Variants in TUT7 observed in about 807,000 individuals in gnomAD.
TUT7 encodes terminal uridylyltransferase 7.
A neutral mutation model predicts 165.9 loss-of-function variants in TUT7; 33 were observed. The ratio of observed to expected loss-of-function variants is 0.20; its 90% CI spans 0.15 to 0.27. TUT7 has a LOEUF of 0.27. TUT7 is among the 10% of genes least tolerant of loss of function. The probability of loss-of-function intolerance (pLI) is 1.00; values close to 1 mark genes in which losing one functional copy is unlikely to be tolerated. For synonymous variants in TUT7, 552 were observed against 608.1 expected (o/e 0.91, Z 1.36); for missense variants, 1,338 against 1,762.3 (o/e 0.76, Z 4.31).
At chr9:86,330,899 G>A (rs1046708674) in intron 10 of TUT7, among the ~76,000 whole-genome samples, 2 of 150,382 alleles carry the variant, frequency 1.3e-5, no homozygotes, top group African/African-American at 2.4e-5. Flanking sequence ...TTTTGAGATG[G>A]GGTCTTGCTC....
At chr9:86,343,913 G>A (rs1293506774) in intron 5 of TUT7, among the ~76,000 whole-genome samples, 2 of 152,096 alleles carry the variant, frequency 1.3e-5, no homozygotes, top group African/African-American at 2.4e-5. Context: ...TTTAAGGTTT[G>A]CTAAAATTCA....
intron 26 of TUT7, among the ~76,000 whole-genome samples, chr9:86,292,327 G>A (rs896350636): frequency 2.0e-5 from 3 of 152,112 alleles, no homozygotes; most frequent in Non-Finnish European, 4.4e-5. Flanking sequence ...GAAGGGGCTG[G>A]GTGCAGTGGC....
intron 26 of TUT7, among the ~76,000 whole-genome samples, chr9:86,300,384 T>C (rs1406264233): frequency 6.6e-6 from 1 of 152,238 alleles, no homozygotes; most frequent in Non-Finnish European, 1.5e-5. Context: ...GCTGACACTT[T>C]ATGCTGTCCA....
At chr9:86,308,140 C>G (rs995591672) in intron 22 of TUT7, among the ~76,000 whole-genome samples, 2 of 152,192 alleles carry the variant, frequency 1.3e-5, no homozygotes, top group Non-Finnish European at 2.9e-5. Context: ...AACCCCCCAA[C>G]AGGAAGGTTG....
Position 86,323,180 on chromosome 9 carries a change from T to A in TUT7, c.2570A>T (p.Glu857Val). 6.2e-7 allele frequency: 1 copy of A among 1,614,142 alleles called. No individual in the cohort carries two copies. The highest frequency in any genetic ancestry group is 1.7e-5 in the Admixed American group (1 of 59,998). The change falls in exon 13 of 27, where the codon GAA becomes GTA. Residue 857 changes from glutamate to valine, a missense_variant. Transcript: ENST00000375963. ...GTTAATGGTGAGCCTAGGTTCTTCT[T>A]CCTCCTCCTCTTCTTCGTCGTCCTC... ...EEEDDEEEEE[E>V]EEPRLTINQR...
chr9:86,317,193 T>A, intron 17 of TUT7, 26 bp downstream of exon 17: 1 of 1,603,676 alleles, frequency 6.2e-7, no homozygotes, highest in Non-Finnish European at 8.5e-7. Context: ...GTCAGAAATA[T>A]TTTTAGAAAA....
intron 2 of TUT7, among the ~76,000 whole-genome samples, chr9:86,346,886 A>T (rs1217959884): frequency 6.6e-6 from 1 of 152,210 alleles, no homozygotes; most frequent in African/African-American, 2.4e-5. Flanking sequence ...ATCTGTAAGT[A>T]CACCTGTTAT....
At chr9:86,296,076 AAG>A (rs1171137240) in intron 26 of TUT7, among the ~76,000 whole-genome samples, 1 of 152,218 alleles carries the variant, frequency 6.6e-6, no homozygotes, top group Non-Finnish European at 1.5e-5. Flanking sequence ...TATAAGTTAG[AAG>A]AGAGAAATTA....
At position 86,301,573 on chromosome 9, in the gene TUT7, C is replaced by A. The variant is rs750427384; in HGVS notation, c.4123G>T (p.Ala1375Ser). The A allele has an allele frequency of 3.1e-6, 5 of 1,613,588 alleles. No homozygotes were observed. Among genetic ancestry groups the A allele is most frequent in the Non-Finnish European group, 4.2e-6 (5 of 1,179,942 alleles). Residue 1375 changes from alanine (A) to serine (S), a missense_variant, in exon 26 of 27, where the codon GCC becomes TCC. Ala to Ser is a moderately conservative substitution (Grantham distance 99). This residue lies in a region of TUT7 where 167 missense variants were observed against 204.9 expected (regional missense o/e 0.82). Coordinates refer to ENST00000375963, the MANE Select transcript of TUT7 (RefSeq NM_024617.4). ...KVRRRRDQEDALNQRYPENKE... is the reference protein window; with the variant it reads ...KVRRRRDQEDSLNQRYPENKE... ...TTCTCAGGGTATCTTTGGTTCAGGGCATCTTCCTGATCTCGCCGCCGTCTT... is the reference window on the plus strand; with the variant it reads ...TTCTCAGGGTATCTTTGGTTCAGGGAATCTTCCTGATCTCGCCGCCGTCTT...
At chr9:86,340,463 G>A (rs992081148) in intron 7 of TUT7, among the ~76,000 whole-genome samples, 18 of 152,094 alleles carry the variant, frequency 1.2e-4, no homozygotes, top group African/African-American at 1.4e-4. Context: ...TGTATTGATC[G>A]AAGACAAAAT....
At chr9:86,346,529 C>T in intron 2 of TUT7, 49 bp from the exon 3 acceptor site, 1 of 1,563,474 alleles carries the variant, frequency 6.4e-7, no homozygotes, top group Non-Finnish European at 8.8e-7. Context: ...AATGCCACTC[C>T]TGAGTAAAAA....
intron 8 of TUT7, among the ~76,000 whole-genome samples, chr9:86,339,563 TAA>T (rs1312600032): frequency 1.3e-5 from 2 of 152,108 alleles, no homozygotes; most frequent in African/African-American, 4.8e-5. Flanking sequence ...TCTGTAACAA[TAA>T]AAGAGTGTTT....
chr9:86,337,559 A>T, intron 9 of TUT7, 21 bp from the exon 10 acceptor site: 1 of 1,585,186 alleles, frequency 6.3e-7, no homozygotes, highest in South Asian at 1.2e-5. Context: ...GAGAAAAGAA[A>T]GTTAAGCATT....
Position 86,288,661 on chromosome 9 carries a change from C to T in TUT7, c.*16G>A, listed in dbSNP as rs377326794. 3.7e-6 allele frequency: 6 copies of T among 1,611,340 alleles called. No individual in the cohort carries two copies. In the South Asian group the frequency reaches 5.5e-5, roughly 15 times the overall value. On this transcript the variant is annotated 3_prime_UTR_variant, in exon 27 of 27. Transcript: ENST00000375963. ...AACGCCTGAGTGGCCATTTAGAGTG[C>T]TGCATTTTCCTTCCCTCATGATTCC...
At chr9:86,333,651 A>G (rs1416794781) in intron 10 of TUT7, among the ~76,000 whole-genome samples, 1 of 152,194 alleles carries the variant, frequency 6.6e-6, no homozygotes, top group Admixed American at 6.5e-5. Context: ...AGCTTTTAGC[A>G]TATTAATCAT....
At chr9:86,319,732 GA>G in intron 14 of TUT7, 62 bp from the exon 15 acceptor site, 1 of 1,111,328 alleles carries the variant, frequency 9.0e-7, no homozygotes, top group Non-Finnish European at 1.3e-6. Context: ...AGAAAAAGCT[GA>G]AAAAAATTTA....
intron 2 of TUT7, among the ~76,000 whole-genome samples, chr9:86,347,007 C>A (rs1004462357): frequency 1.3e-5 from 2 of 152,142 alleles, no homozygotes; most frequent in Non-Finnish European, 1.5e-5. Flanking sequence ...ATATACTCAT[C>A]TGGAGTGAAA....
Position 86,305,172 on chromosome 9 carries a change from T to C in TUT7, c.3886+20A>G. On this transcript the variant is annotated intron_variant, in intron 23 of 26. Transcript: ENST00000375963. ...ACATAAGTAAAATAAAAAATAAAAT[T>C]GACAAACGAAGTAACTCACTTTTCC... is the stretch of plus-strand genomic sequence containing the variant. 1 of 1,586,060 alleles carries C rather than the reference T, an allele frequency of 6.3e-7. No individual in the cohort carries two copies. Among genetic ancestry groups the C allele is most frequent in the Non-Finnish European group, 8.6e-7 (1 of 1,167,204 alleles).
chr9:86,339,204 G>T (rs921604853), intron 8 of TUT7, among the ~76,000 whole-genome samples: 4 of 152,124 alleles, frequency 2.6e-5, no homozygotes, highest in Admixed American at 2.6e-4. Flanking sequence ...ATTATTTTTT[G>T]GGGGGAAATG....
Sources: gnomAD v4.1 joint callset for allele counts (sites outside exome capture counted in the v4.1 genomes callset) on GRCh38, gnomAD v4.1.1 for gene constraint, gnomAD v4.1.1 regional missense constraint, MANE v1.5 for transcripts, NCBI Gene and HGNC (gene_info 2026-07-23, HGNC 2026-07-21) for gene names.